FOXP2: variants seen among roughly 807,000 people sequenced by gnomAD.
FOXP2 encodes forkhead box P2.
In FOXP2, 12 loss-of-function variants were observed where a neutral mutation model predicts 115.8. That is an observed-to-expected ratio of 0.10 (90% CI 0.07 to 0.17). The LOEUF (loss-of-function observed/expected upper bound fraction) is 0.17. Among genes scored for constraint, FOXP2 ranks in the 10% least tolerant of loss-of-function variants. The pLI is 1.00. For synonymous variants in FOXP2, 328 were observed against 297.7 expected (o/e 1.10, Z -1.05); for missense variants, 629 against 843.5 (o/e 0.75, Z 3.15).
chr7:114,251,389 G>A (rs910524129), intron 1 of FOXP2, among the ~76,000 whole-genome samples: 2 of 152,164 alleles, frequency 1.3e-5, no homozygotes, highest in African/African-American at 4.8e-5. Context: ...ACCTTGGGCA[G>A]TATGGCCATT....
chr7:114,399,416 TTTTTTCTTTTCAG>T (rs1433246136), intron 2 of FOXP2, among the ~76,000 whole-genome samples: 2 of 152,144 alleles, frequency 1.3e-5, no homozygotes, highest in African/African-American at 4.8e-5. Context: ...CCTTCACTTA[TTTTTTCTTTTCAG>T]TTTTTCTTAT....
intron 1 of FOXP2, among the ~76,000 whole-genome samples, chr7:114,171,810 G>T (rs1793149202): frequency 6.6e-6 from 1 of 152,172 alleles, no homozygotes; most frequent in Non-Finnish European, 1.5e-5. Flanking sequence ...CTTCTAGAAA[G>T]GATTCAGATT....
intron 1 of FOXP2, among the ~76,000 whole-genome samples, chr7:114,108,085 C>T (rs1334436249): frequency 6.6e-6 from 1 of 151,876 alleles, no homozygotes; most frequent in Non-Finnish European, 1.5e-5. Context: ...TTTTTCCCTG[C>T]ATCTTTATCT....
chr7:114,673,707 CT>C (rs1336746069), intron 16 of FOXP2, among the ~76,000 whole-genome samples: 4 of 151,146 alleles, frequency 2.6e-5, no homozygotes, highest in Admixed American at 6.6e-5. Context: ...CTGATACTGA[CT>C]TTTTTTTTGA....
At chr7:114,337,731 G>GA (rs544025783) in intron 2 of FOXP2, among the ~76,000 whole-genome samples, 166 of 151,118 alleles carry the variant, frequency 1.1e-3, no homozygotes, top group African/African-American at 3.8e-3. Context: ...TGTATTAGAT[G>GA]AAAAATGAAA....
chr7:114,345,265 T>G (rs1343186550), intron 2 of FOXP2, among the ~76,000 whole-genome samples: 1 of 151,256 alleles, frequency 6.6e-6, no homozygotes, highest in Non-Finnish European at 1.5e-5. Context: ...TTGTGTAGAC[T>G]GGTGACAGCC....
At chr7:114,521,698 A>G (rs866740213) in intron 2 of FOXP2, among the ~76,000 whole-genome samples, 22 of 152,174 alleles carry the variant, frequency 1.4e-4, no homozygotes, top group Non-Finnish European at 2.9e-4. Flanking sequence ...TAAAAAAATA[A>G]TGAAAGAGGT....
intron 1 of FOXP2, among the ~76,000 whole-genome samples, chr7:114,114,118 GATGTCTACCAGA>G (rs1259745046): frequency 2.0e-5 from 3 of 151,832 alleles, no homozygotes; most frequent in Admixed American, 6.6e-5. Context: ...AATGAGGAAA[GATGTCTACCAGA>G]ATGAAAGAGA....
At chr7:114,466,584 A>T (rs1227846497) in intron 2 of FOXP2, among the ~76,000 whole-genome samples, 1 of 152,186 alleles carries the variant, frequency 6.6e-6, no homozygotes, top group African/African-American at 2.4e-5. Flanking sequence ...TTGATGTAGT[A>T]GATGAATTTA....
chr7:114,312,633 T>C (rs1384679227), intron 2 of FOXP2, among the ~76,000 whole-genome samples: 2 of 152,160 alleles, frequency 1.3e-5, no homozygotes, highest in East Asian at 3.9e-4. Flanking sequence ...GATGTCAGGG[T>C]CAGAGTCAAA....
chr7:114,582,658 AC>A (rs1801928565), intron 3 of FOXP2, among the ~76,000 whole-genome samples: 1 of 152,228 alleles, frequency 6.6e-6, no homozygotes, highest in Non-Finnish European at 1.5e-5. Context: ...ATTTTATGAA[AC>A]ATTTAGATAA....
intron 2 of FOXP2, among the ~76,000 whole-genome samples, chr7:114,341,165 A>G (rs28617515): frequency 2.5e-4 from 38 of 151,122 alleles, no homozygotes; most frequent in African/African-American, 9.0e-4. Flanking sequence ...CTTCTTCTTA[A>G]AATCAAGTAA....
intron 2 of FOXP2, among the ~76,000 whole-genome samples, chr7:114,500,772 A>G (rs1185390951): frequency 6.6e-6 from 1 of 152,172 alleles, no homozygotes; most frequent in East Asian, 1.9e-4. Flanking sequence ...AAGACAAACA[A>G]ACAAGCATTT....
intron 6 of FOXP2, among the ~76,000 whole-genome samples, chr7:114,635,843 C>A (rs1467261274): frequency 2.6e-5 from 4 of 152,062 alleles, no homozygotes; most frequent in African/African-American, 4.8e-5. Context: ...AAGGAAACAT[C>A]ATTGGTTTTG....
chr7:114,133,474 G>A (rs1175561001), intron 1 of FOXP2, among the ~76,000 whole-genome samples: 2 of 152,230 alleles, frequency 1.3e-5, no homozygotes, highest in Non-Finnish European at 2.9e-5. Context: ...ATCACCAAAG[G>A]TGGGTTCCTA....
chr7:114,635,557 T>C (rs1461451721), intron 6 of FOXP2, among the ~76,000 whole-genome samples: 2 of 152,162 alleles, frequency 1.3e-5, no homozygotes, highest in African/African-American at 4.8e-5. Context: ...TAATTTTATG[T>C]TTAAAAAACT....
intron 2 of FOXP2, among the ~76,000 whole-genome samples, chr7:114,449,851 A>C (rs1794994883): frequency 6.6e-6 from 1 of 152,126 alleles, no homozygotes; most frequent in South Asian, 2.1e-4. Context: ...GAAATGATTT[A>C]TGTTGCAAAA....
At chr7:114,584,754 G>A (rs974288147) in intron 3 of FOXP2, among the ~76,000 whole-genome samples, 1 of 152,154 alleles carries the variant, frequency 6.6e-6, no homozygotes, top group Admixed American at 6.6e-5. Context: ...AGTTTGTGGA[G>A]TCCCTATCAT....
intron 3 of FOXP2, among the ~76,000 whole-genome samples, chr7:114,559,544 A>T (rs7783870): frequency 6.6e-6 from 1 of 152,080 alleles, no homozygotes; most frequent in African/African-American, 2.4e-5. Context: ...TGAACTTGAC[A>T]CTGTTATATT....
Sources: allele counts gnomAD v4.1 joint callset (sites outside exome capture counted in the v4.1 genomes callset), GRCh38; gene constraint gnomAD v4.1.1; transcripts MANE v1.5; gene names NCBI Gene and HGNC (gene_info 2026-07-23, HGNC 2026-07-21).